Variants in ADCY8 observed in about 807,000 individuals in gnomAD.
ADCY8 encodes the protein adenylate cyclase 8, also known as adenylate cyclase type 8.
A neutral mutation model predicts 119.7 loss-of-function variants in ADCY8; 51 were observed. The ratio of observed to expected loss-of-function variants is 0.43; its 90% CI spans 0.34 to 0.54. The LOEUF (loss-of-function observed/expected upper bound fraction) is 0.54. Among genes scored for constraint, ADCY8 ranks in the 20% least tolerant of loss-of-function variants. The probability of loss-of-function intolerance (pLI) is 0.03; values close to 1 mark genes in which losing one functional copy is unlikely to be tolerated. For synonymous variants in ADCY8, 665 were observed against 651.0 expected (o/e 1.02, Z -0.33); for missense variants, 1,383 against 1,598.8 (o/e 0.87, Z 2.30).
At chr8:130,823,811 T>C (rs1816591260) in intron 12 of ADCY8, among the ~76,000 whole-genome samples, 1 of 152,148 alleles carries the variant, frequency 6.6e-6, no homozygotes, top group Non-Finnish European at 1.5e-5. Flanking sequence ...TAACTAAATG[T>C]CATTTCCTTT....
rs935716090 is a variant in ADCY8, at chr8:131,040,229, C to A, written c.105G>T (p.Arg35=). The change falls in exon 1 of 18, where the codon CGG becomes CGT. Residue 35 remains arginine, a synonymous_variant. Transcript: ENST00000286355. ...GTCGCACCGCCGTCTGCCACAGCAGCCGCTGCGGCCGGGAGGCGCTCCTGC... is the reference window on the plus strand; with the variant it reads ...GTCGCACCGCCGTCTGCCACAGCAGACGCTGCGGCCGGGAGGCGCTCCTGC... ...GDGRSASRPQ[R]LLWQTAVRHI... 22 of 1,541,610 alleles carry A rather than the reference C, an allele frequency of 1.4e-5. No individual in the cohort carries two copies. The highest frequency in any genetic ancestry group is 2.7e-5 in the African/African-American group (2 of 73,242).
intron 13 of ADCY8, among the ~76,000 whole-genome samples, chr8:130,816,941 TA>T (rs1289395354): frequency 6.6e-6 from 1 of 152,082 alleles, no homozygotes; most frequent in East Asian, 1.9e-4. Flanking sequence ...AAAAACTCTG[TA>T]AAAACAAATA....
chr8:130,857,751 T>C (rs11778254), intron 9 of ADCY8, among the ~76,000 whole-genome samples: 3,259 of 152,328 alleles, frequency 0.021, 70 homozygotes, highest in South Asian at 0.079. Flanking sequence ...TATGATGATA[T>C]TTTAATTCTT....
At chr8:130,868,740 C>T (rs780037901) in intron 8 of ADCY8, among the ~76,000 whole-genome samples, 6 of 152,188 alleles carry the variant, frequency 3.9e-5, no homozygotes, top group African/African-American at 1.2e-4. Context: ...CCAAGCCCCA[C>T]ATTTGACCTT....
At chr8:130,999,313 A>T (rs1466038266) in intron 1 of ADCY8, among the ~76,000 whole-genome samples, 2 of 152,170 alleles carry the variant, frequency 1.3e-5, no homozygotes, top group Non-Finnish European at 2.9e-5. Context: ...CAGGAAGAAG[A>T]TTCCCTCCTC....
In ADCY8 at chr8:131,035,093, T is replaced by C. The variant is rs556485989; in HGVS notation, c.960+4281A>G. On this transcript the variant is annotated intron_variant, in intron 1 of 17. Transcript: ENST00000286355. ...ATTTTGTAATGAATTTCCTGGTGGA[T>C]AAATCGAATTGGTGATACAAACAAT... 4.6e-5 allele frequency among the ~76,000 whole-genome samples: 7 copies of C among 152,266 alleles called. 1 individual carries two copies. The Middle Eastern group carries it at 0.017, about 370-fold the overall frequency.
rs1820830525 is a variant in ADCY8, at chr8:130,937,715, T to A, written c.1354-515A>T. 2.6e-5 allele frequency among the ~76,000 whole-genome samples: 4 copies of A among 152,254 alleles called. No individual in the cohort carries two copies. The South Asian group carries it at 8.3e-4, about 32-fold the overall frequency. Reference sequence around the variant, plus strand: ...TTGCACTTTATGAGGAGGAACTAAGTCTTCTTATATATCCTTTTATTCGTT... The same window carrying A: ...TTGCACTTTATGAGGAGGAACTAAGACTTCTTATATATCCTTTTATTCGTT... On this transcript the variant is annotated intron_variant, in intron 4 of 17. Coordinates refer to ENST00000286355, the MANE Select transcript of ADCY8 (RefSeq NM_001115.3).
intron 13 of ADCY8, among the ~76,000 whole-genome samples, chr8:130,816,387 A>G (rs745501971): frequency 1.7e-4 from 25 of 149,962 alleles, no homozygotes; most frequent in Non-Finnish European, 3.4e-4. Flanking sequence ...CTTTATCCAC[A>G]TGCATGCACA....
chr8:130,938,773 CA>C (rs1820868416), intron 4 of ADCY8, among the ~76,000 whole-genome samples: 1 of 152,194 alleles, frequency 6.6e-6, no homozygotes, highest in Non-Finnish European at 1.5e-5. Flanking sequence ...TCAACCTTCC[CA>C]AATGGGCCCA....
intron 5 of ADCY8, among the ~76,000 whole-genome samples, chr8:130,926,940 C>CATATATATATATATAT (rs10572208): frequency 1.6e-4 from 23 of 145,104 alleles, no homozygotes; most frequent in African/African-American, 4.7e-4. Context: ...TATTCCATTA[C>CATATATATATATATAT]ATATATATAT....
At chr8:130,984,250 C>T (rs1822328279) in intron 2 of ADCY8, among the ~76,000 whole-genome samples, 1 of 152,092 alleles carries the variant, frequency 6.6e-6, no homozygotes, top group East Asian at 1.9e-4. Flanking sequence ...CATGAGTGGG[C>T]TCCCTGTGGG....
At chr8:130,829,297 C>G (rs1480164763) in intron 12 of ADCY8, among the ~76,000 whole-genome samples, 2 of 152,158 alleles carry the variant, frequency 1.3e-5, no homozygotes, top group East Asian at 1.9e-4. Context: ...TGTGTGACTC[C>G]TAAGCCATGG....
intron 10 of ADCY8, among the ~76,000 whole-genome samples, chr8:130,847,911 G>A (rs1050688026): frequency 1.3e-5 from 2 of 152,134 alleles, no homozygotes; most frequent in South Asian, 4.1e-4. Flanking sequence ...AGAATCTGAA[G>A]GGGTACATTT....
At chr8:130,983,031 G>A (rs1822285181) in intron 2 of ADCY8, among the ~76,000 whole-genome samples, 1 of 152,196 alleles carries the variant, frequency 6.6e-6, no homozygotes, top group African/African-American at 2.4e-5. Context: ...TATGCAGAGT[G>A]GGAGTGGAAC....
intron 1 of ADCY8, among the ~76,000 whole-genome samples, chr8:131,011,201 A>C (rs1315813420): frequency 6.6e-6 from 1 of 152,318 alleles, no homozygotes; most frequent in East Asian, 1.9e-4. Flanking sequence ...TTAATGACCC[A>C]TGAGTTGCTG....
At chr8:130,989,216 A>T (rs926467599) in intron 2 of ADCY8, among the ~76,000 whole-genome samples, 1 of 152,212 alleles carries the variant, frequency 6.6e-6, no homozygotes. Flanking sequence ...TCAAAGTAAG[A>T]TCTGAAAACT....
chr8:130,904,465 G>A (rs1819716039), intron 6 of ADCY8, among the ~76,000 whole-genome samples: 1 of 152,128 alleles, frequency 6.6e-6, no homozygotes, highest in South Asian at 2.1e-4. Context: ...TGCAAAAACA[G>A]TTCTTTCTTC....
chr8:130,832,812 C>T (rs527522358), intron 12 of ADCY8, among the ~76,000 whole-genome samples: 2 of 152,312 alleles, frequency 1.3e-5, no homozygotes, highest in African/African-American at 4.8e-5. Flanking sequence ...TAGGAATCAA[C>T]ATATATTGAG....
intron 3 of ADCY8, among the ~76,000 whole-genome samples, chr8:130,949,214 G>A (rs4736462): frequency 0.77 from 116,394 of 151,950 alleles, 47,961 homozygotes; most frequent in East Asian, 0.93. Flanking sequence ...GAGCACTGAA[G>A]AAGGATTCCT....
Sources: gnomAD v4.1 joint callset for allele counts (sites outside exome capture counted in the v4.1 genomes callset) on GRCh38, gnomAD v4.1.1 for gene constraint, MANE v1.5 for transcripts, NCBI Gene and HGNC (gene_info 2026-07-23, HGNC 2026-07-21) for gene names.